PTPRA: variants seen among roughly 807,000 people sequenced by gnomAD.
PTPRA encodes receptor-type tyrosine-protein phosphatase alpha.
PTPRA carries 25 observed loss-of-function variants against 104.8 expected under a neutral mutation model. That is an observed-to-expected ratio of 0.24 (90% CI 0.17 to 0.33). The LOEUF is 0.33. Ranked by LOEUF, PTPRA falls within the 10% of genes least tolerant of loss-of-function variation. The probability of loss-of-function intolerance (pLI) is 1.00; values close to 1 mark genes in which losing one functional copy is unlikely to be tolerated. For synonymous variants in PTPRA, 323 were observed against 368.9 expected (o/e 0.88, Z 1.43); for missense variants, 765 against 1,015.3 (o/e 0.75, Z 3.35).
chr20:2,882,084 AATGGACTGATGTACTAC>A (rs1490981474), intron 1 of PTPRA, among the ~76,000 whole-genome samples: 5 of 152,162 alleles, frequency 3.3e-5, no homozygotes, highest in African/African-American at 1.2e-4. Flanking sequence ...TTAAACAAAA[AATGGACTGATGTACTAC>A]ATGGAAAATA....
chr20:2,868,169 C>T, the PTPRA span, among the ~76,000 whole-genome samples: 1 of 152,164 alleles, frequency 6.6e-6, no homozygotes, highest in Non-Finnish European at 1.5e-5. Context: ...GGACAAGCAT[C>T]CCAAGAGGGT....
At chr20:2,890,759 C>A (rs2058762384) in intron 1 of PTPRA, among the ~76,000 whole-genome samples, 1 of 152,158 alleles carries the variant, frequency 6.6e-6, no homozygotes, top group South Asian at 2.1e-4. Flanking sequence ...TTTCCTCTTT[C>A]TATCTTTGTG....
chr20:2,934,813 A>G (rs2147558470), intron 2 of PTPRA, among the ~76,000 whole-genome samples: 1 of 151,832 alleles, frequency 6.6e-6, no homozygotes. Context: ...CTGGAATTAC[A>G]GGCATACGCC....
At chr20:2,865,647 A>G in the PTPRA span, 1 of 719,308 alleles carries the variant, frequency 1.4e-6, no homozygotes, top group South Asian at 1.9e-5. The surrounding 1 kb of genome is among the most constrained non-coding windows in gnomAD (Gnocchi z 5.2). Context: ...ATTTGTGGGC[A>G]GGCATCATCT....
chr20:2,918,210 A>G (rs1261198763), intron 1 of PTPRA, among the ~76,000 whole-genome samples: 2 of 152,014 alleles, frequency 1.3e-5, no homozygotes, highest in Non-Finnish European at 2.9e-5. Flanking sequence ...TTTTTTTTAA[A>G]ACGAGACAGG....
At chr20:2,961,935 C>T (rs1229272807) in intron 3 of PTPRA, among the ~76,000 whole-genome samples, 5 of 152,150 alleles carry the variant, frequency 3.3e-5, no homozygotes, top group Non-Finnish European at 5.9e-5. Context: ...TGTTTATGAT[C>T]TCTGTTCCGT....
chr20:3,002,283 C>T (rs1301988614), intron 9 of PTPRA, among the ~76,000 whole-genome samples: 1 of 151,748 alleles, frequency 6.6e-6, no homozygotes, highest in African/African-American at 2.4e-5. Flanking sequence ...TTGCTCTTCC[C>T]AGTCCACTTT....
intron 13 of PTPRA, among the ~76,000 whole-genome samples, chr20:3,019,678 T>C (rs989653014): frequency 8.5e-5 from 13 of 152,072 alleles, no homozygotes; most frequent in East Asian, 3.9e-4. Context: ...GGGTGGCGGC[T>C]GGGCAGAGGC....
At chr20:2,951,370 G>T (rs2061348922) in intron 3 of PTPRA, among the ~76,000 whole-genome samples, 1 of 152,184 alleles carries the variant, frequency 6.6e-6, no homozygotes, top group Non-Finnish European at 1.5e-5. Context: ...AAAGCGCTGG[G>T]ATTACAGGCA....
intron 20 of PTPRA, among the ~76,000 whole-genome samples, chr20:3,031,193 C>T (rs2065435898): frequency 6.6e-6 from 1 of 152,064 alleles, no homozygotes; most frequent in Admixed American, 6.6e-5. Context: ...GCTGTGTGTC[C>T]CCATCACCAT....
chr20:2,892,677 G>A (rs904127891), intron 1 of PTPRA, among the ~76,000 whole-genome samples: 1 of 152,186 alleles, frequency 6.6e-6, no homozygotes, highest in Non-Finnish European at 1.5e-5. Flanking sequence ...GCTAACTATG[G>A]CATTCGGTAG....
chr20:2,866,553 G>A, the PTPRA span: 1 of 1,614,156 alleles, frequency 6.2e-7, no homozygotes, highest in Non-Finnish European at 8.5e-7. Flanking sequence ...AACGGGCCAG[G>A]GCACAAGCCC....
intron 3 of PTPRA, among the ~76,000 whole-genome samples, chr20:2,958,834 G>A (rs901174746): frequency 1.7e-4 from 23 of 134,944 alleles, no homozygotes; most frequent in Non-Finnish European, 2.8e-4. Context: ...GCAACAGAGC[G>A]AGACTGTATC....
chr20:2,886,740 C>G lies in PTPRA; in HGVS notation c.-129+12980C>G, dbSNP rs535471407. Among the ~76,000 whole-genome samples the G allele has an allele frequency of 4.7e-5, 7 of 150,092 alleles. No homozygotes were observed. The East Asian group carries it at 1.4e-3, about 29-fold the overall frequency. The stretch of plus-strand genomic sequence containing the variant: ...GCATGGTGGTGCATACCTGTAATCC[C>G]AGCTACTCGGGAGGCTGAGGCAGGA... On this transcript the variant is annotated intron_variant, in intron 1 of 23. Coordinates refer to ENST00000399903, the MANE Select transcript of PTPRA (RefSeq NM_001385305.1).
At chr20:2,866,785 T>C in the PTPRA span, 1 of 677,560 alleles carries the variant, frequency 1.5e-6, no homozygotes, top group Non-Finnish European at 2.4e-6. Context: ...CAAGACAGGA[T>C]CCTCCAGACA....
chr20:2,921,960 TA>T (rs1034112464), intron 1 of PTPRA, among the ~76,000 whole-genome samples: 1 of 152,190 alleles, frequency 6.6e-6, no homozygotes, highest in Admixed American at 6.5e-5. Flanking sequence ...TACTTTGTTA[TA>T]GGGGGTTGTC....
At chr20:3,030,906 C>T (rs1373540706) in intron 20 of PTPRA, among the ~76,000 whole-genome samples, 2 of 152,080 alleles carry the variant, frequency 1.3e-5, no homozygotes, top group African/African-American at 4.8e-5. Flanking sequence ...TCTCAAACTC[C>T]TGACCCCAAG....
At chr20:2,978,828 G>A (rs549136130) in intron 6 of PTPRA, among the ~76,000 whole-genome samples, 45 of 152,274 alleles carry the variant, frequency 3.0e-4, no homozygotes, top group Non-Finnish European at 5.7e-4. Context: ...TGTTCTGATA[G>A]CATTTTATTT....
chr20:2,923,884 A>G (rs1470983377), intron 2 of PTPRA, among the ~76,000 whole-genome samples: 2 of 152,202 alleles, frequency 1.3e-5, no homozygotes, highest in African/African-American at 4.8e-5. Context: ...ATGATCTCCA[A>G]GTTTTTTAAG....
Sources: allele counts gnomAD v4.1 joint callset (sites outside exome capture counted in the v4.1 genomes callset), GRCh38; gene constraint gnomAD v4.1.1; non-coding constraint Gnocchi (gnomAD v3.1); transcripts MANE v1.5; gene names NCBI Gene and HGNC (gene_info 2026-07-23, HGNC 2026-07-21).